PRKACB: variants seen among roughly 807,000 people sequenced by gnomAD.
PRKACB encodes cAMP-dependent protein kinase catalytic subunit beta.
A neutral mutation model predicts 51.4 loss-of-function variants in PRKACB; 16 were observed. That is an observed-to-expected ratio of 0.31 (90% CI 0.21 to 0.47). The LOEUF is 0.47. PRKACB is among the 20% of genes least tolerant of loss of function. The pLI is 1.00. For synonymous variants in PRKACB, 147 were observed against 154.4 expected (o/e 0.95, Z 0.35); for missense variants, 309 against 464.5 (o/e 0.67, Z 3.08).
In PRKACB at chr1:84,235,346, C is replaced by T; in HGVS notation, c.*41C>T. 8 of 1,612,086 alleles carry T rather than the reference C, an allele frequency of 5.0e-6. No individual in the cohort carries two copies. The highest frequency in any genetic ancestry group is 5.1e-6 in the Non-Finnish European group (6 of 1,178,930). On this transcript the variant is annotated 3_prime_UTR_variant, in exon 10 of 10. Coordinates refer to ENST00000370685, the MANE Select transcript of PRKACB (RefSeq NM_182948.4). ...CATCTGAGCTCACACTCAGTGTTTGCACTCTGTTGAGAGATAAGGTAGAGC... is the reference window on the plus strand; with the variant it reads ...CATCTGAGCTCACACTCAGTGTTTGTACTCTGTTGAGAGATAAGGTAGAGC...
At chr1:84,078,156 C>T in exon 1 of PRKACB, 1 of 651,246 alleles carries the variant, frequency 1.5e-6, no homozygotes, top group Admixed American at 3.5e-5. Context: ...TCGCTGGAGC[C>T]CTTTCCTCAG....
At chr1:84,120,219 C>A (rs1055307871) in intron 1 of PRKACB, among the ~76,000 whole-genome samples, 1 of 152,020 alleles carries the variant, frequency 6.6e-6, no homozygotes, top group Non-Finnish European at 1.5e-5. Context: ...AATGTCTCAA[C>A]TGTTAAAGAG....
intron 5 of PRKACB, 76 bp from the exon 6 acceptor site, chr1:84,196,540 G>C (rs1668294185): frequency 2.8e-6 from 4 of 1,438,578 alleles, no homozygotes; most frequent in Non-Finnish European, 3.7e-6. Flanking sequence ...CTTCATATTA[G>C]TTTTTATGCA....
At chr1:84,212,956 T>C (rs960119349) in intron 8 of PRKACB, among the ~76,000 whole-genome samples, 1 of 152,102 alleles carries the variant, frequency 6.6e-6, no homozygotes, top group Non-Finnish European at 1.5e-5. Context: ...TAAATAAATG[T>C]ATTATAAAGA....
chr1:84,115,063 T>C lies in PRKACB; in HGVS notation c.46+36692T>C, dbSNP rs566425563. On this transcript the variant is annotated intron_variant, in intron 1 of 8. Coordinates refer to the PRKACB transcript ENST00000370688. ...TTGGGTAGATACTCAGTAGTGGGAT[T>C]GCTGGATCATATGATAGTTCTGATT... is the stretch of plus-strand genomic sequence containing the variant. Among the ~76,000 whole-genome samples the C allele has an allele frequency of 2.0e-5, 3 of 152,306 alleles. No individual in the cohort carries two copies. The South Asian group carries it at 6.2e-4, about 32-fold the overall frequency.
intron 1 of PRKACB, among the ~76,000 whole-genome samples, chr1:84,112,842 A>G (rs1050751086): frequency 2.0e-5 from 3 of 152,182 alleles, no homozygotes; most frequent in East Asian, 1.9e-4. Flanking sequence ...TCTTAGGCAC[A>G]GTAATCAAGG....
chr1:84,169,205 G>T (rs1342778153), intron 1 of PRKACB, among the ~76,000 whole-genome samples: 2 of 151,618 alleles, frequency 1.3e-5, no homozygotes, highest in African/African-American at 2.4e-5. Context: ...AAGAGGTAGA[G>T]AATGAACTTA....
intron 1 of PRKACB, chr1:84,086,110 T>G: frequency 1.3e-6 from 2 of 1,506,068 alleles, no homozygotes; most frequent in Non-Finnish European, 1.8e-6. Context: ...ACCTCGCCAT[T>G]GAGTATGAGG....
In PRKACB at chr1:84,144,504, A is replaced by G. The variant is rs770285760; in HGVS notation, c.143A>G (p.Asp48Gly). The G allele has an allele frequency of 1.9e-6, 3 of 1,610,838 alleles. No homozygotes were observed. Among genetic ancestry groups the G allele is most frequent in the South Asian group, 2.2e-5 (2 of 90,624 alleles). Residue 48 changes from aspartate to glycine, a missense_variant, in exon 1 of 10, where the codon GAC (aspartate) becomes GGC (glycine). Physicochemically the swap from Asp to Gly is moderately conservative, Grantham distance 94 (BLOSUM62 -1). Around this residue, in one of 3 missense-constraint regions of PRKACB, gnomAD observed 153 missense variants for 190.2 expected, o/e 0.80. Transcript: ENST00000370685. ...AHDQKTALEN[D>G]SLHFSEHTAL... ...GATCAGAAAACAGCTCTGGAAAATG[A>G]CAGCCTTCATTTCTCTGAACATACT...
chr1:84,220,505 T>A (rs1673539804), intron 9 of PRKACB, among the ~76,000 whole-genome samples: 1 of 152,224 alleles, frequency 6.6e-6, no homozygotes, highest in East Asian at 1.9e-4. Context: ...AAAGTGGACA[T>A]CCTTGTCTTG....
intron 6 of PRKACB, 73 bp from the exon 7 acceptor site, chr1:84,197,656 T>C (rs970887809): frequency 4.2e-5 from 41 of 987,108 alleles, no homozygotes; most frequent in Non-Finnish European, 5.6e-5. Flanking sequence ...TTTTAAACTT[T>C]CAACGTAGGT....
intron 1 of PRKACB, chr1:84,078,400 G>T (rs199536324): frequency 5.0e-5 from 81 of 1,605,998 alleles, no homozygotes; most frequent in Admixed American, 1.3e-4. Flanking sequence ...CTGGGTATCC[G>T]CTGGGCGGGC....
intron 1 of PRKACB, among the ~76,000 whole-genome samples, chr1:84,162,956 T>G (rs1441399279): frequency 6.6e-6 from 1 of 152,106 alleles, no homozygotes; most frequent in East Asian, 1.9e-4. Flanking sequence ...TATTAAAAAC[T>G]TCCTTTGTCT....
chr1:84,173,132 T>A (rs1660081821), intron 1 of PRKACB, among the ~76,000 whole-genome samples: 1 of 151,586 alleles, frequency 6.6e-6, no homozygotes, highest in Non-Finnish European at 1.5e-5. Context: ...AGAGAAGAGT[T>A]TTGGTTGGTT....
intron 9 of PRKACB, among the ~76,000 whole-genome samples, chr1:84,221,269 AT>A (rs34375626): frequency 0.95 from 144,942 of 152,016 alleles, 69,506 homozygotes; most frequent in East Asian, 1. Flanking sequence ...GATCTCCTGT[AT>A]TTCTGTGGTG....
intron 1 of PRKACB, among the ~76,000 whole-genome samples, chr1:84,093,208 T>G (rs1485029913): frequency 6.6e-6 from 1 of 152,038 alleles, no homozygotes; most frequent in African/African-American, 2.4e-5. Flanking sequence ...ATGTTAGGTT[T>G]AGAAGCTTTC....
At chr1:84,165,027 CTG>C in intron 1 of PRKACB, 1 of 1,499,480 alleles carries the variant, frequency 6.7e-7, no homozygotes, top group Non-Finnish European at 9.1e-7. Flanking sequence ...AGTATGCTCT[CTG>C]AGACTCTGCA....
intron 1 of PRKACB, among the ~76,000 whole-genome samples, chr1:84,096,766 C>T (rs1261946638): frequency 6.6e-6 from 1 of 151,972 alleles, no homozygotes; most frequent in East Asian, 1.9e-4. Flanking sequence ...TGCAATGAAT[C>T]ATAGTATAAA....
At chr1:84,124,046 TAGATACCTA>T (rs1651332276) in intron 1 of PRKACB, among the ~76,000 whole-genome samples, 1 of 152,204 alleles carries the variant, frequency 6.6e-6, no homozygotes, top group Non-Finnish European at 1.5e-5. Context: ...ACTCATCTTT[TAGATACCTA>T]AAGCTATCTC....
Sources: allele counts gnomAD v4.1 joint callset (sites outside exome capture counted in the v4.1 genomes callset), GRCh38; gene constraint gnomAD v4.1.1; regional missense constraint gnomAD v4.1.1; transcripts MANE v1.5; gene names NCBI Gene and HGNC (gene_info 2026-07-23, HGNC 2026-07-21).